TMEM237: variants seen among roughly 807,000 people sequenced by gnomAD.
TMEM237 encodes amyotrophic lateral sclerosis 2 (juvenile) chromosome region, candidate 4.
In TMEM237, 51 loss-of-function variants were observed where a neutral mutation model predicts 59.1. The ratio of observed to expected loss-of-function variants is 0.86; its 90% CI spans 0.69 to 1.09. TMEM237 has a LOEUF of 1.09. Ranked by LOEUF, TMEM237 falls within the 50% of genes least tolerant of loss-of-function variation. The pLI is 0.00. For synonymous variants in TMEM237, 140 were observed against 166.1 expected (o/e 0.84, Z 1.21); for missense variants, 475 against 478.3 (o/e 0.99, Z 0.06).
chr2:201,642,756 C>A, intron 1 of TMEM237: 1 of 1,452,366 alleles, frequency 6.9e-7, no homozygotes, highest in Non-Finnish European at 9.0e-7. Flanking sequence ...CCGCGCGCAG[C>A]GCCCTGCGGG....
Position 201,622,277 on chromosome 2 carries a change from TA to T in TMEM237, c.*1977del, listed in dbSNP as rs1184418423. On this transcript the variant is annotated 3_prime_UTR_variant, in exon 13 of 13. Transcript: ENST00000409883. ...GATATATAGCTTTCTATTGCTGCCA[TA>T]AGCAATCACCACCAATTTAGCAGCT... is the stretch of plus-strand genomic sequence containing the variant. 5 of 152,246 alleles carry T rather than the reference TA, an allele frequency of 3.3e-5. No homozygotes were observed. In the East Asian group the frequency reaches 9.6e-4, roughly 29 times the overall value. 9.4% of individuals were successfully genotyped at this position (152,246 alleles called of 1,614,324 possible). A position where few individuals can be genotyped will look rare whatever the true frequency, so the allele number is the denominator to read the frequency against.
chr2:201,631,962 A>C, intron 7 of TMEM237, 89 bp downstream of exon 7: 1 of 1,412,164 alleles, frequency 7.1e-7, no homozygotes, highest in Non-Finnish European at 9.7e-7. Context: ...AGTTTTGCTT[A>C]ATTCCTTAAT....
At chr2:201,633,194 A>T in intron 6 of TMEM237, 117 bp downstream of exon 6, 1 of 1,017,058 alleles carries the variant, frequency 9.8e-7, no homozygotes, top group Non-Finnish European at 1.3e-6. Flanking sequence ...TACTTATCCT[A>T]GAGGTACACA....
At chr2:201,642,683 C>G (rs542592952) in intron 1 of TMEM237, 29 of 1,601,044 alleles carry the variant, frequency 1.8e-5, no homozygotes, top group South Asian at 2.2e-5. Context: ...CGCCCCACCC[C>G]TCCCGGCTCG....
At position 201,627,355 on chromosome 2, in the gene TMEM237, G is replaced by A. The variant is rs750583431; in HGVS notation, c.1003C>T (p.Leu335Phe). The A allele has an allele frequency of 1.2e-6, 2 of 1,608,786 alleles. No individual in the cohort carries two copies. Among genetic ancestry groups the A allele is most frequent in the Non-Finnish European group, 8.5e-7 (1 of 1,177,524 alleles). ...SQQMTSDRIH[L>F]YTPSSVNGSL... ...CCATTAACAGAAGAAGGTGTGTAAA[G>A]GTGGATTCTGTCACTTGTCATTTGC... Residue 335 changes from leucine (L) to phenylalanine (F), a missense_variant, in exon 11 of 13, where the codon CTT (leucine) becomes TTT (phenylalanine). Leu to Phe is a conservative substitution (Grantham distance 22). Transcript: ENST00000409883.
rs1488773557 is a variant in TMEM237, at chr2:201,621,476, T to C, written c.*2779A>G. On this transcript the variant is annotated 3_prime_UTR_variant, in exon 13 of 13. Coordinates refer to ENST00000409883, the MANE Select transcript of TMEM237 (RefSeq NM_001044385.3). ...CAGACTGGAATGAGCCCAGATATCC[T>C]TCAATAGGTCAATGAGTTAAACCAA... 2 of 152,146 alleles carry C rather than the reference T, an allele frequency of 1.3e-5. No homozygotes were observed. The highest frequency in any genetic ancestry group is 2.9e-5 in the Non-Finnish European group (2 of 68,042). 9.4% of individuals were successfully genotyped at this position (152,146 alleles called of 1,614,324 possible).
rs768764111 is a variant in TMEM237 at position 201,638,982 on chromosome 2, G to A, written c.136+7C>T. 23 of 1,576,822 alleles carry A rather than the reference G, an allele frequency of 1.5e-5. No homozygotes were observed. Among genetic ancestry groups the A allele is most frequent in the East Asian group, 6.9e-5 (3 of 43,752 alleles). On this transcript the variant is annotated splice_region_variant and intron_variant, in intron 4 of 12. Coordinates refer to ENST00000409883, the MANE Select transcript of TMEM237 (RefSeq NM_001044385.3). Reference sequence around the variant, plus strand: ...GTGATCCCACACAACAAAGAATAACGTCTTACCTGGTGTGTTTTTTGTTCT... The same window carrying A: ...GTGATCCCACACAACAAAGAATAACATCTTACCTGGTGTGTTTTTTGTTCT...
chr2:201,640,394 T>C (rs1687389438), intron 2 of TMEM237, 129 bp from the exon 3 acceptor site: 1 of 939,572 alleles, frequency 1.1e-6, no homozygotes, highest in African/African-American at 1.7e-5. Context: ...AAAATAAAAT[T>C]AGCTTTCACA....
intron 11 of TMEM237, chr2:201,626,365 C>T: frequency 2.7e-6 from 1 of 373,348 alleles, no homozygotes; most frequent in East Asian, 4.2e-5. Flanking sequence ...CTGCTGTATA[C>T]ATTCATATAA....
intron 9 of TMEM237, 140 bp from the exon 10 acceptor site, chr2:201,628,289 C>G: frequency 1.9e-6 from 1 of 517,790 alleles, no homozygotes. Flanking sequence ...ACAGTGTATA[C>G]TTAACACGCA....
At position 201,643,274 on chromosome 2, in the gene TMEM237, G is replaced by GGCCCCCCC; in HGVS notation, c.42+84_42+85insGGGGGGGC. On this transcript the variant is annotated intron_variant, in intron 1 of 12. Transcript: ENST00000409883. This position sits in a 1 kb window ranked among gnomAD's most constrained non-coding sequence, Gnocchi z 4.3. ...CCTTAGTGATTCCCAGCTCGTTGGC[G>GGCCCCCCC]CCCCCCCACACACACCCACCCCCAC... 4.1e-6 allele frequency: 5 copies of GGCCCCCCC among 1,206,744 alleles called. No individual in the cohort carries two copies. The highest frequency in any genetic ancestry group is 5.9e-6 in the Non-Finnish European group (5 of 849,308). The allele number at this position is 1,206,744 out of a possible 1,614,324, so 74.8% of individuals were successfully genotyped here.
chr2:201,643,274 G>GCCCCC lies in TMEM237; in HGVS notation c.42+80_42+84dup, dbSNP rs538213022. The GCCCCC allele has an allele frequency of 6.6e-6, 8 of 1,206,952 alleles. No individual in the cohort carries two copies. The highest frequency in any genetic ancestry group is 2.1e-5 in the Admixed American group (1 of 46,610). 74.8% of individuals were successfully genotyped at this position (1,206,952 alleles called of 1,614,324 possible). ...CCTTAGTGATTCCCAGCTCGTTGGC[G>GCCCCC]CCCCCCCACACACACCCACCCCCAC... On this transcript the variant is annotated intron_variant, in intron 1 of 12. Coordinates refer to ENST00000409883, the MANE Select transcript of TMEM237 (RefSeq NM_001044385.3). This position sits in a 1 kb window ranked among gnomAD's most constrained non-coding sequence, Gnocchi z 4.3.
At chr2:201,638,726 G>A (rs1298743268) in intron 4 of TMEM237, 3 of 492,940 alleles carry the variant, frequency 6.1e-6, no homozygotes, top group Non-Finnish European at 1.1e-5. Flanking sequence ...ACCTTAAAGA[G>A]TCCAGGAATA....
intron 2 of TMEM237, 141 bp downstream of exon 2, chr2:201,640,752 T>C: frequency 1.5e-6 from 1 of 686,206 alleles, no homozygotes; most frequent in Non-Finnish European, 2.3e-6. Context: ...TTTTCACCTT[T>C]AAAATTTCAG....
chr2:201,635,322 A>G lies in TMEM237; in HGVS notation c.274+1426T>C, dbSNP rs1161823320. Among the ~76,000 whole-genome samples, 1 of 152,224 alleles carries G rather than the reference A, an allele frequency of 6.6e-6. No individual in the cohort carries two copies. The highest frequency in any genetic ancestry group is 1.5e-5 in the Non-Finnish European group (1 of 68,036). ...TAAGATGAGGTCATGCTAGATTGGA[A>G]TGGGCCCTAAATCCAACAACTGATA... is the stretch of plus-strand genomic sequence containing the variant. On this transcript the variant is annotated intron_variant, in intron 5 of 12. Transcript: ENST00000409883. The surrounding 1 kb of genome is among the most constrained non-coding windows in gnomAD (Gnocchi z 4.5).
chr2:201,643,414 C>T lies in TMEM237; in HGVS notation c.-14G>A, dbSNP rs1278508759. On this transcript the variant is annotated 5_prime_UTR_variant, in exon 1 of 13. Coordinates refer to ENST00000409883, the MANE Select transcript of TMEM237 (RefSeq NM_001044385.3). The surrounding 1 kb of genome is among the most constrained non-coding windows in gnomAD (Gnocchi z 4.3). ...GTCAGTCCTCATGGTGCTCTCCCCG[C>T]GGGGCTGCCCCGGCGCAACCGCCGG... The T allele has an allele frequency of 6.7e-7, 1 of 1,501,072 alleles. No individual in the cohort carries two copies. The highest frequency in any genetic ancestry group is 8.9e-7 in the Non-Finnish European group (1 of 1,123,934). The allele number at this position is 1,501,072 out of a possible 1,614,324, so 93.0% of individuals were successfully genotyped here. A position where few individuals can be genotyped will look rare whatever the true frequency, so the allele number is the denominator to read the frequency against.
At chr2:201,629,471 G>C (rs1161725356) in intron 8 of TMEM237, 50 bp from the exon 9 acceptor site, 2 of 1,439,720 alleles carry the variant, frequency 1.4e-6, no homozygotes, top group African/African-American at 2.9e-5. Context: ...AAAGTAAAAA[G>C]CTAAAACATG....
chr2:201,627,520 T>G, intron 10 of TMEM237, 106 bp from the exon 11 acceptor site: 1 of 699,484 alleles, frequency 1.4e-6, no homozygotes, highest in East Asian at 2.8e-5. Context: ...ACTGATGATA[T>G]AAAAGAAATT....
chr2:201,636,709 C>T, intron 5 of TMEM237, 39 bp downstream of exon 5: 1 of 1,546,558 alleles, frequency 6.5e-7, no homozygotes, highest in Non-Finnish European at 8.7e-7. Context: ...ATCAAAATCA[C>T]AAGTGCTATC....
Sources: gnomAD v4.1 joint callset for allele counts (sites outside exome capture counted in the v4.1 genomes callset) on GRCh38, gnomAD v4.1.1 for gene constraint, Gnocchi (gnomAD v3.1) non-coding constraint, MANE v1.5 for transcripts, NCBI Gene and HGNC (gene_info 2026-07-23, HGNC 2026-07-21) for gene names.